NSD3: variants seen among roughly 807,000 people sequenced by gnomAD.
NSD3 encodes histone-lysine N-methyltransferase NSD3.
NSD3 carries 24 observed loss-of-function variants against 160.8 expected under a neutral mutation model. The ratio of observed to expected loss-of-function variants is 0.15; its 90% CI spans 0.11 to 0.21. The LOEUF is 0.21. NSD3 is among the 10% of genes least tolerant of loss of function. The pLI is 1.00. For missense variants in NSD3, 1,157 were observed against 1,735.9 expected (o/e 0.67, Z 5.93); for synonymous variants, 520 against 600.0 (o/e 0.87, Z 1.95).
rs185488440 is a variant in NSD3, at chr8:38,366,901, G to A, written c.-45+14898C>T. On this transcript the variant is annotated intron_variant, in intron 1 of 23. Coordinates refer to ENST00000317025, the MANE Select transcript of NSD3 (RefSeq NM_023034.2). The stretch of plus-strand genomic sequence containing the variant: ...TACCATATTGGTCAGTGCAGATACA[G>A]AATATTTCTGTCATCATAGAAAATT... 3.9e-5 allele frequency among the ~76,000 whole-genome samples: 6 copies of A among 152,228 alleles called. No individual in the cohort carries two copies. In the East Asian group the frequency reaches 1.2e-3, roughly 29 times the overall value.
At chr8:38,350,466 T>C (rs2150385278) in intron 1 of NSD3, among the ~76,000 whole-genome samples, 1 of 152,368 alleles carries the variant, frequency 6.6e-6, no homozygotes, top group South Asian at 2.1e-4. Context: ...GTGTGTCTGT[T>C]GGCTGCATAA....
At chr8:38,378,396 C>G (rs1303782972) in intron 1 of NSD3, among the ~76,000 whole-genome samples, 1 of 152,132 alleles carries the variant, frequency 6.6e-6, no homozygotes, top group Non-Finnish European at 1.5e-5. Flanking sequence ...AATCCCAGGA[C>G]TTTGGGAGGC....
At chr8:38,376,335 C>T (rs1229816613) in intron 1 of NSD3, among the ~76,000 whole-genome samples, 1 of 152,080 alleles carries the variant, frequency 6.6e-6, no homozygotes, top group Non-Finnish European at 1.5e-5. Context: ...AGATCTCTTG[C>T]CTCACTGCAG....
At chr8:38,282,829 C>CTT (rs2062216876) in intron 19 of NSD3, among the ~76,000 whole-genome samples, 1 of 152,220 alleles carries the variant, frequency 6.6e-6, no homozygotes, top group Admixed American at 6.5e-5. Flanking sequence ...TTTTAAATCT[C>CTT]TGAGTAGTGT....
At position 38,316,014 on chromosome 8, in the gene NSD3, T is replaced by C. The variant is rs749087532; in HGVS notation, c.1884A>G (p.Lys628=). 1.2e-6 allele frequency: 2 copies of C among 1,612,972 alleles called. No homozygotes were observed. Among genetic ancestry groups the C allele is most frequent in the South Asian group, 2.2e-5 (2 of 91,028 alleles). ...AGGCGCGACTCCTTTTCTTTAGAGG[T>C]TTACAGGAATCTGAAATCTCGCTGG... ...KGASEISDSC[K]PLKKRSRAST... Residue 628 remains lysine (K), a synonymous_variant, in exon 10 of 24, where the codon AAA becomes AAG. Coordinates refer to ENST00000317025, the MANE Select transcript of NSD3 (RefSeq NM_023034.2). The surrounding 1 kb of genome is among the most constrained non-coding windows in gnomAD (Gnocchi z 4.5).
At chr8:38,361,348 T>C (rs1036234734) in intron 1 of NSD3, among the ~76,000 whole-genome samples, 22 of 151,582 alleles carry the variant, frequency 1.5e-4, no homozygotes, top group Admixed American at 5.3e-4. Context: ...CAGACTGGTC[T>C]CCAACTCCTG....
intron 3 of NSD3, among the ~76,000 whole-genome samples, chr8:38,338,067 T>A (rs1585899674): frequency 6.6e-6 from 1 of 151,690 alleles, no homozygotes; most frequent in Non-Finnish European, 1.5e-5. Context: ...TTTGGGAGGG[T>A]GAGGAGGGCA....
intron 14 of NSD3, among the ~76,000 whole-genome samples, chr8:38,301,180 A>G (rs1809267643): frequency 6.6e-6 from 1 of 152,164 alleles, no homozygotes; most frequent in Admixed American, 6.5e-5. Context: ...TATGTTGCCC[A>G]GGCTGGTCTT....
At chr8:38,370,115 ATGTTT>A (rs1811207530) in intron 1 of NSD3, among the ~76,000 whole-genome samples, 1 of 152,188 alleles carries the variant, frequency 6.6e-6, no homozygotes, top group Admixed American at 6.5e-5. Flanking sequence ...TTTTTAAAAA[ATGTTT>A]TGTTAAACGG....
At chr8:38,361,239 C>T (rs1810953226) in intron 1 of NSD3, among the ~76,000 whole-genome samples, 1 of 151,772 alleles carries the variant, frequency 6.6e-6, no homozygotes, top group African/African-American at 2.4e-5. Context: ...AGTGATCCAC[C>T]CACCTTGGCC....
Position 38,279,664 on chromosome 8 carries a change from G to A in NSD3, c.3636C>T (p.Ala1212=), listed in dbSNP as rs115624738. Residue 1212 remains alanine, a synonymous_variant, in exon 21 of 24, where the codon GCC becomes GCT. Coordinates refer to ENST00000317025, the MANE Select transcript of NSD3 (RefSeq NM_023034.2). ...LTVTKDRIID[A]GPKGNYSRFM... The stretch of plus-strand genomic sequence containing the variant: ...AGCGAGAATAATTTCCTTTTGGGCC[G>A]GCATCAATTATACGGTCCTTCAGAA... 1,815 of 1,613,384 alleles carry A rather than the reference G, an allele frequency of 1.1e-3. 11 individuals are homozygous for A. In the African/African-American group the frequency reaches 0.02, roughly 18 times the overall value.
At chr8:38,305,001 A>G (rs1464430431) in intron 13 of NSD3, among the ~76,000 whole-genome samples, 1 of 152,186 alleles carries the variant, frequency 6.6e-6, no homozygotes, top group Non-Finnish European at 1.5e-5. Context: ...AGACGGTGGT[A>G]TCCAATATGG....
chr8:38,289,629 T>C, intron 17 of NSD3, 124 bp from the exon 18 acceptor site: 2 of 869,922 alleles, frequency 2.3e-6, no homozygotes, highest in East Asian at 5.1e-5. Context: ...TTTAGAATTA[T>C]TTTCTGGAAG....
At chr8:38,278,539 T>C (rs1585849527) in intron 21 of NSD3, 127 bp from the exon 22 acceptor site, 1 of 701,056 alleles carries the variant, frequency 1.4e-6, no homozygotes, top group Middle Eastern at 2.7e-4. Context: ...TTGCCAGTGT[T>C]CTACCTCATT....
At chr8:38,290,005 C>T (rs781639157) in intron 17 of NSD3, among the ~76,000 whole-genome samples, 1 of 152,092 alleles carries the variant, frequency 6.6e-6, no homozygotes, top group Non-Finnish European at 1.5e-5. Context: ...CGCTTGAACC[C>T]AGGAGTTCAA....
In NSD3 at chr8:38,347,744, A is replaced by G; in HGVS notation, c.428T>C (p.Val143Ala). 1 of 1,612,606 alleles carries G rather than the reference A, an allele frequency of 6.2e-7. No individual in the cohort carries two copies. Reference sequence around the variant, plus strand: ...AGGTGAGCCAGTCTTCTTTGGAATCACAGTTTGTGGTACCGAAGGAGGAGG... The same window carrying G: ...AGGTGAGCCAGTCTTCTTTGGAATCGCAGTTTGTGGTACCGAAGGAGGAGG... Reference protein sequence around the residue: ...PPPPPSVPQTVIPKKTGSPEI... With the variant: ...PPPPPSVPQTAIPKKTGSPEI... The change falls in exon 2 of 24, where the codon GTG becomes GCG. Residue 143 changes from valine to alanine, a missense_variant. This residue lies in a region of NSD3 where 121 missense variants were observed against 177.2 expected (regional missense o/e 0.68). Transcript: ENST00000317025.
In NSD3 at chr8:38,316,841, C is replaced by CA. The variant is rs1809678604; in HGVS notation, c.1856-800dup. 2.8e-6 allele frequency: 3 copies of CA among 1,062,096 alleles called. No individual in the cohort carries two copies. Among genetic ancestry groups the CA allele is most frequent in the Middle Eastern group, 4.2e-4 (1 of 2,370 alleles). The allele number at this position is 1,062,096 out of a possible 1,614,324, so 65.8% of individuals were successfully genotyped here. Reference sequence around the variant, plus strand: ...TTTAAAACTGTGTGTAATACAAATCCAGCCAAAACAATAGTGCAAAAAGTT... The same window carrying CA: ...TTTAAAACTGTGTGTAATACAAATCCAAGCCAAAACAATAGTGCAAAAAGTT... On this transcript the variant is annotated intron_variant, in intron 9 of 23. Coordinates refer to ENST00000317025, the MANE Select transcript of NSD3 (RefSeq NM_023034.2). This position sits in a 1 kb window ranked among gnomAD's most constrained non-coding sequence, Gnocchi z 4.5.
At chr8:38,339,139 C>CA (rs200100394) in intron 2 of NSD3, among the ~76,000 whole-genome samples, 32,394 of 97,932 alleles carry the variant, frequency 0.33, 3,844 homozygotes, top group East Asian at 0.41. Flanking sequence ...GACTCTGTCT[C>CA]AAAAAAAAAA....
chr8:38,289,231 G>C (rs922575904), intron 18 of NSD3, among the ~76,000 whole-genome samples, 162 bp downstream of exon 18: 10 of 152,222 alleles, frequency 6.6e-5, no homozygotes, highest in Admixed American at 2.0e-4. Context: ...TTTTACAGAA[G>C]ACTGTGATAA....
Sources: allele counts gnomAD v4.1 joint callset (sites outside exome capture counted in the v4.1 genomes callset), GRCh38; gene constraint gnomAD v4.1.1; regional missense constraint gnomAD v4.1.1; non-coding constraint Gnocchi (gnomAD v3.1); transcripts MANE v1.5; gene names NCBI Gene and HGNC (gene_info 2026-07-23, HGNC 2026-07-21).